Variants in C2CD3 observed in about 807,000 individuals in gnomAD.
C2CD3 encodes the protein C2 domain containing 3 centriole elongation regulator, also known as C2 domain-containing protein 3.
Under a neutral mutation model 234.0 loss-of-function variants are expected in C2CD3, and 148 were observed. The observed-to-expected ratio is 0.63, with a 90% confidence interval of 0.55 to 0.72. The LOEUF is 0.72. C2CD3 is among the 30% of genes least tolerant of loss of function. The pLI is 0.00. For missense variants in C2CD3, 2,577 were observed against 2,811.5 expected, an observed-to-expected ratio of 0.92 and a Z score of 1.89; for synonymous variants, 1,000 against 1,035.4, an observed-to-expected ratio of 0.97 and a Z score of 0.66.
In C2CD3 at chr11:74,132,887, C is replaced by A. The variant is rs1957722562; in HGVS notation, c.1174G>T (p.Asp392Tyr). The A allele has an allele frequency of 6.2e-7, 1 of 1,613,894 alleles. No homozygotes were observed. The highest frequency in any genetic ancestry group is 8.5e-7 in the Non-Finnish European group (1 of 1,179,830). The change falls in exon 7 of 33, where the codon GAC becomes TAC. Residue 392 changes from aspartate to tyrosine, a missense_variant. Asp to Tyr is a radical substitution (Grantham distance 160). Transcript: ENST00000334126. The stretch of plus-strand genomic sequence containing the variant: ...ATAGCTCTGGTATCAGCTTTTGTGT[C>A]ATGTCTCCAAAATGTATTCTCAGTT... ...PSTENTFWRH[D>Y]TKADTRAIQL...
intron 7 of C2CD3, among the ~76,000 whole-genome samples, chr11:74,127,797 G>T (rs1201401128): frequency 6.6e-6 from 1 of 151,880 alleles, no homozygotes; most frequent in East Asian, 1.9e-4. Context: ...TAGTGGGTGT[G>T]AAGTAGTATC....
rs1330513610 is a variant in C2CD3 at position 74,113,512 on chromosome 11, C to G, written c.1843+268G>C. 1.3e-5 allele frequency: 5 copies of G among 392,084 alleles called. No homozygotes were observed. The East Asian group carries it at 2.4e-4, about 19-fold the overall frequency. 24.3% of individuals were successfully genotyped at this position (392,084 alleles called of 1,614,324 possible). A position where few individuals can be genotyped will look rare whatever the true frequency, so the allele number is the denominator to read the frequency against. ...TGGCCAACATGGTGAAACCCTGTCT[C>G]TACTAAAAAATACAAAAATTAGCTG... On this transcript the variant is annotated intron_variant, in intron 11 of 32. Transcript: ENST00000334126.
intron 24 of C2CD3, 138 bp from the exon 25 acceptor site, chr11:74,057,682 G>C: frequency 1.1e-6 from 1 of 897,040 alleles, no homozygotes; most frequent in Non-Finnish European, 1.7e-6. Context: ...TGTCTGAAAT[G>C]TTTTCAGGCT....
chr11:74,094,034 C>T (rs1326215351), intron 17 of C2CD3, 35 bp from the exon 18 acceptor site: 1 of 1,537,642 alleles, frequency 6.5e-7, no homozygotes, highest in Admixed American at 1.7e-5. Flanking sequence ...AATAATCCAA[C>T]ATATGACTTA....
intron 24 of C2CD3, among the ~76,000 whole-genome samples, chr11:74,058,633 G>A (rs1954069752): frequency 6.6e-6 from 1 of 151,976 alleles, no homozygotes; most frequent in Non-Finnish European, 1.5e-5. Flanking sequence ...TCTACTATGG[G>A]GTTAACAAAT....
intron 29 of C2CD3, among the ~76,000 whole-genome samples, chr11:74,038,645 T>A (rs543394018): frequency 2.0e-5 from 3 of 152,310 alleles, no homozygotes; most frequent in African/African-American, 7.2e-5. Context: ...TTCAAGCAAC[T>A]CCCTGCTCTG....
In C2CD3 at chr11:74,074,527, G is replaced by A. The variant is rs748965960; in HGVS notation, c.4677C>T (p.Ser1559=). 14 of 1,614,204 alleles carry A rather than the reference G, an allele frequency of 8.7e-6. No individual in the cohort carries two copies. The South Asian group carries it at 1.4e-4, about 16-fold the overall frequency. Reference sequence around the variant, plus strand: ...TGGGCTCAAGGTGTGAGGAAAGAGAGGAAAGAACCACATGAACTCGCAAGG... The same window carrying A: ...TGGGCTCAAGGTGTGAGGAAAGAGAAGAAAGAACCACATGAACTCGCAAGG... ...GAALRVHVVL[S]SLSSHLEPTH... Residue 1559 remains serine (S), a synonymous_variant, in exon 24 of 33, where the codon TCC becomes TCT. Transcript: ENST00000334126.
At chr11:74,059,410 C>CAAAAAAAAAAAAA (rs57052333) in intron 24 of C2CD3, among the ~76,000 whole-genome samples, 1 of 29,958 alleles carries the variant, frequency 3.3e-5, no homozygotes, top group Non-Finnish European at 6.7e-5. Flanking sequence ...GACTCTGTCT[C>CAAAAAAAAAAAAA]AAAAAAAAAA....
chr11:74,102,649 C>T (rs1332424230), intron 14 of C2CD3, among the ~76,000 whole-genome samples: 4 of 152,070 alleles, frequency 2.6e-5, no homozygotes, highest in African/African-American at 9.7e-5. Context: ...AAAAGAACAG[C>T]TTTGAGTGAG....
chr11:74,107,324 A>T (rs76179026), intron 12 of C2CD3, among the ~76,000 whole-genome samples: 44 of 85,530 alleles, frequency 5.1e-4, no homozygotes, highest in East Asian at 1.6e-3. Flanking sequence ...AAACTGTGTC[A>T]CACACACACA....
Position 74,033,706 on chromosome 11 carries a change from C to G in C2CD3, c.6454G>C (p.Val2152Leu), listed in dbSNP as rs1255004843. The G allele has an allele frequency of 1.0e-5, 16 of 1,536,396 alleles. No homozygotes were observed. Among genetic ancestry groups the G allele is most frequent in the Non-Finnish European group, 1.4e-5 (16 of 1,146,956 alleles). Residue 2152 changes from valine (V) to leucine (L), a missense_variant, in exon 31 of 33, where the codon GTT (valine) becomes CTT (leucine). Val to Leu is a conservative substitution (Grantham distance 32). Coordinates refer to ENST00000334126, the MANE Select transcript of C2CD3 (RefSeq NM_001286577.2). ...TTAGAGGCCTCACACTCACAAGCAA[C>G]AAGACTTTGGCTAGGAGAACCCTGC... ...PRQGSPSQSL[V>L]ACECEASKAR...
At chr11:74,078,020 G>C in intron 23 of C2CD3, 95 bp downstream of exon 23, 20 of 1,418,764 alleles carry the variant, frequency 1.4e-5, no homozygotes, top group Non-Finnish European at 1.9e-5. Flanking sequence ...TGCTGGGAGG[G>C]TCAAGTAAAG....
In C2CD3 at chr11:74,085,681, G is replaced by A. The variant is rs767548180; in HGVS notation, c.3847C>T (p.Leu1283=). The A allele has an allele frequency of 6.2e-7, 1 of 1,614,088 alleles. No homozygotes were observed. Among genetic ancestry groups the A allele is most frequent in the Admixed American group, 1.7e-5 (1 of 60,024 alleles). ...TQHCSGEACF[L]AELLEFAEVI... ...TCTGCAAACTCCAACAACTCTGCTA[G>A]GAAACAGGCCTCTCCACTACAGTGC... is the stretch of plus-strand genomic sequence containing the variant. The change falls in exon 21 of 33, where the codon CTA becomes TTA. Residue 1283 remains leucine (L), a synonymous_variant. Transcript: ENST00000334126.
intron 3 of C2CD3, among the ~76,000 whole-genome samples, chr11:74,155,203 CAA>C (rs1256763157): frequency 2.6e-5 from 4 of 152,198 alleles, no homozygotes; most frequent in African/African-American, 7.2e-5. Context: ...CAAAATTTGA[CAA>C]AAGTCTCCAC....
At chr11:74,134,673 T>G (rs1957799319) in intron 5 of C2CD3, among the ~76,000 whole-genome samples, 1 of 152,160 alleles carries the variant, frequency 6.6e-6, no homozygotes, top group Admixed American at 6.5e-5. Context: ...AAAAATAAAA[T>G]ATGATGGTTA....
chr11:74,052,998 G>A (rs826086), intron 26 of C2CD3, among the ~76,000 whole-genome samples: 6,987 of 152,272 alleles, frequency 0.046, 466 homozygotes, highest in African/African-American at 0.15. Flanking sequence ...GAGAGATTTA[G>A]TGAGATAAAA....
intron 3 of C2CD3, among the ~76,000 whole-genome samples, chr11:74,155,409 C>A (rs1409851039): frequency 6.6e-6 from 1 of 151,968 alleles, no homozygotes; most frequent in East Asian, 1.9e-4. Context: ...AGGCATATAC[C>A]CAAGAGAACG....
intron 12 of C2CD3, among the ~76,000 whole-genome samples, chr11:74,107,347 C>CAA (rs1424075119): frequency 6.6e-6 from 1 of 151,926 alleles, no homozygotes; most frequent in Non-Finnish European, 1.5e-5. Flanking sequence ...CACACACACA[C>CAA]ACACAGAAAT....
chr11:74,102,121 T>C (rs1956337047), intron 14 of C2CD3, among the ~76,000 whole-genome samples: 1 of 152,136 alleles, frequency 6.6e-6, no homozygotes, highest in Non-Finnish European at 1.5e-5. Flanking sequence ...ATTAAGTTAG[T>C]AGTATCTATT....
Sources: gnomAD v4.1 joint callset for allele counts (sites outside exome capture counted in the v4.1 genomes callset) on GRCh38, gnomAD v4.1.1 for gene constraint, MANE v1.5 for transcripts, NCBI Gene and HGNC (gene_info 2026-07-23, HGNC 2026-07-21) for gene names.